GPHN: variants seen among roughly 807,000 people sequenced by gnomAD.
The protein encoded by GPHN is gephyrin.
Under a neutral mutation model 95.5 loss-of-function variants are expected in GPHN, and 17 were observed. The observed-to-expected ratio is 0.18, with a 90% CI of 0.12 to 0.27. The LOEUF is 0.27. Ranked by LOEUF, GPHN falls within the 10% of genes least tolerant of loss-of-function variation. The pLI, the probability that GPHN is intolerant of heterozygous loss-of-function variation, is 1.00. For synonymous variants in GPHN, 320 were observed against 322.5 expected (o/e 0.99, Z 0.08); for missense variants, 660 against 978.1 (o/e 0.67, Z 4.34).
At chr14:66,619,246 G>C (rs2063182509) in intron 1 of GPHN, among the ~76,000 whole-genome samples, 1 of 152,086 alleles carries the variant, frequency 6.6e-6, no homozygotes, top group Admixed American at 6.5e-5. Flanking sequence ...AAATACCTGT[G>C]AATGAAATGG....
chr14:67,474,080 C>T, the GPHN span: 5 of 948,394 alleles, frequency 5.3e-6, no homozygotes, highest in African/African-American at 5.0e-5. Flanking sequence ...GGTGAAACCC[C>T]GTCTCTACTA....
At chr14:66,938,037 T>G (rs2067219812) in intron 8 of GPHN, among the ~76,000 whole-genome samples, 1 of 152,182 alleles carries the variant, frequency 6.6e-6, no homozygotes, top group Non-Finnish European at 1.5e-5. Context: ...TTGTCACCAT[T>G]GGCTTCAGGA....
chr14:67,276,142 A>C, the GPHN span, among the ~76,000 whole-genome samples: 1 of 152,140 alleles, frequency 6.6e-6, no homozygotes, highest in African/African-American at 2.4e-5. Flanking sequence ...TATAAAAATG[A>C]ATGTGATCAT....
intron 5 of GPHN, among the ~76,000 whole-genome samples, chr14:66,895,217 A>T (rs373126856): frequency 6.6e-6 from 1 of 152,210 alleles, no homozygotes; most frequent in African/African-American, 2.4e-5. Flanking sequence ...AGGGACGTGG[A>T]TGAAGCTGGA....
At chr14:66,668,203 C>T (rs182191197) in intron 1 of GPHN, among the ~76,000 whole-genome samples, 1 of 152,252 alleles carries the variant, frequency 6.6e-6, no homozygotes, top group Admixed American at 6.5e-5. Context: ...ATTAGTTCAG[C>T]CATTGTGGAA....
the GPHN span, chr14:67,647,487 G>A: frequency 1.3e-5 from 2 of 157,748 alleles, no homozygotes; most frequent in African/African-American, 4.8e-5. Flanking sequence ...CTGGTAGTAT[G>A]TCATTTCATA....
At chr14:67,696,709 T>C in the GPHN span, among the ~76,000 whole-genome samples, 3 of 152,214 alleles carry the variant, frequency 2.0e-5, no homozygotes, top group Admixed American at 1.3e-4. Flanking sequence ...TGTGAATAAA[T>C]AGGTTCCCTG....
In GPHN at chr14:66,793,589, A is replaced by G. The variant is rs1015942073; in HGVS notation, c.201+17068A>G. ...TCTGTATACATATATGTGCATATACATATATATATCTGTGTGTGATTGTGT... is the reference window on the plus strand; with the variant it reads ...TCTGTATACATATATGTGCATATACGTATATATATCTGTGTGTGATTGTGT... On this transcript the variant is annotated intron_variant, in intron 3 of 22. Coordinates refer to ENST00000478722, the MANE Select transcript of GPHN (RefSeq NM_020806.5). Among the ~76,000 whole-genome samples, 9 of 152,190 alleles carry G rather than the reference A, an allele frequency of 5.9e-5. 1 individual carries two copies. The highest frequency in any genetic ancestry group is 2.2e-4 in the African/African-American group (9 of 41,542).
At chr14:67,367,521 G>A in the GPHN span, among the ~76,000 whole-genome samples, 1 of 152,206 alleles carries the variant, frequency 6.6e-6, no homozygotes, top group African/African-American at 2.4e-5. Flanking sequence ...GAGCCACCAC[G>A]CCCCACCCCA....
At chr14:66,929,210 C>T (rs564315730) in intron 8 of GPHN, among the ~76,000 whole-genome samples, 37 of 152,090 alleles carry the variant, frequency 2.4e-4, no homozygotes, top group Middle Eastern at 3.4e-3. Flanking sequence ...CACGCGCCAC[C>T]GTGCCCAGCT....
intron 5 of GPHN, among the ~76,000 whole-genome samples, chr14:66,903,114 T>C (rs2065199007): frequency 6.6e-6 from 1 of 152,122 alleles, no homozygotes; most frequent in African/African-American, 2.4e-5. Flanking sequence ...CAGTTAGGCA[T>C]ATTAGGTCTG....
the GPHN span, chr14:67,360,146 G>A: frequency 2.4e-6 from 1 of 412,758 alleles, no homozygotes; most frequent in Non-Finnish European, 4.3e-6. Context: ...AGGAATCGGA[G>A]TCCTATGTCT....
At chr14:67,258,476 C>T in the GPHN span, among the ~76,000 whole-genome samples, 1 of 151,524 alleles carries the variant, frequency 6.6e-6, no homozygotes, top group Non-Finnish European at 1.5e-5. Flanking sequence ...GCTGGAGGGT[C>T]GTGGTGTGAT....
intron 11 of GPHN, among the ~76,000 whole-genome samples, chr14:67,074,187 T>C (rs2076411610): frequency 1.3e-5 from 1 of 75,678 alleles, no homozygotes; most frequent in Non-Finnish European, 1.9e-5. Context: ...CAGATATTCC[T>C]TTTTTTTTTT....
intron 1 of GPHN, among the ~76,000 whole-genome samples, chr14:66,664,169 A>C (rs2065814311): frequency 6.6e-6 from 1 of 152,186 alleles, no homozygotes; most frequent in African/African-American, 2.4e-5. Context: ...AAAACAACAG[A>C]CTATACATTC....
intron 9 of GPHN, among the ~76,000 whole-genome samples, chr14:66,989,475 G>A (rs893870323): frequency 6.6e-6 from 1 of 151,798 alleles, no homozygotes; most frequent in Admixed American, 6.6e-5. Flanking sequence ...AAAATTTGAT[G>A]CCTTAAAAAT....
chr14:66,578,359 C>T (rs573072090), intron 1 of GPHN, among the ~76,000 whole-genome samples: 1 of 151,470 alleles, frequency 6.6e-6, no homozygotes, highest in African/African-American at 2.4e-5. Context: ...TATAGGAGTT[C>T]CAGAAGGAAC....
Position 66,922,933 on chromosome 14 carries a change from G to T in GPHN, c.724G>T (p.Ala242Ser). Reference protein sequence around the residue: ...SSHITAAAIAAKKHPFYTSPA... With the variant: ...SSHITAAAIASKKHPFYTSPA... ...ACATATAACTGCAGCAGCCATTGCT[G>T]CCAAGGTAAGCCTGATGAGAGTTAC... Residue 242 changes from alanine (A) to serine (S), a missense_variant, in exon 7 of 23, where the codon GCC (alanine) becomes TCC (serine). Ala to Ser is a moderately conservative substitution (Grantham distance 99, BLOSUM62 1). Coordinates refer to ENST00000478722, the MANE Select transcript of GPHN (RefSeq NM_020806.5). 6.2e-7 allele frequency: 1 copy of T among 1,611,672 alleles called. No individual in the cohort carries two copies. The highest frequency in any genetic ancestry group is 8.5e-7 in the Non-Finnish European group (1 of 1,179,632).
the GPHN span, chr14:67,571,526 T>C: frequency 2.1e-5 from 10 of 475,094 alleles, no homozygotes; most frequent in Non-Finnish European, 3.4e-5. Flanking sequence ...GGCAGCTGCT[T>C]TGGGGACCAC....
Sources: allele counts gnomAD v4.1 joint callset (sites outside exome capture counted in the v4.1 genomes callset), GRCh38; gene constraint gnomAD v4.1.1; transcripts MANE v1.5; gene names NCBI Gene and HGNC (gene_info 2026-07-23, HGNC 2026-07-21).